CHKB: variants seen among roughly 807,000 people sequenced by gnomAD.
CHKB encodes the protein choline kinase beta.
CHKB carries 45 observed loss-of-function variants against 57.3 expected under a neutral mutation model. That is an observed-to-expected ratio of 0.79 (90% CI 0.62 to 1.01). CHKB has a LOEUF of 1.01. CHKB is among the 50% of genes least tolerant of loss of function. The pLI is 0.00. For missense variants in CHKB, 517 were observed against 502.8 expected, an observed-to-expected ratio of 1.03 and a Z score of -0.27; for synonymous variants, 224 against 201.8, an observed-to-expected ratio of 1.11 and a Z score of -0.93.
chr22:50,580,130 G>A (rs759319573), intron 7 of CHKB, 48 bp from the exon 8 acceptor site: 17 of 1,612,776 alleles, frequency 1.1e-5, no homozygotes, highest in Non-Finnish European at 8.5e-7. Flanking sequence ...CTGGGCAGCT[G>A]GCCTGTTTTC....
At position 50,582,814 on chromosome 22, in the gene CHKB, G is replaced by C; in HGVS notation, c.-33C>G. On this transcript the variant is annotated 5_prime_UTR_variant, in exon 1 of 11. Transcript: ENST00000406938. ...GCTCGACCGGGCCCCAGGCCAGGCT[G>C]CGCTCCGCTCCCTTCGGACGGGCTC... is the stretch of plus-strand genomic sequence containing the variant. 6.5e-7 allele frequency: 1 copy of C among 1,531,452 alleles called. No homozygotes were observed. Among genetic ancestry groups the C allele is most frequent in the Non-Finnish European group, 8.8e-7 (1 of 1,139,372 alleles). 94.9% of individuals were successfully genotyped at this position (1,531,452 alleles called of 1,614,324 possible).
In CHKB at chr22:50,579,182, C is replaced by CA; in HGVS notation, c.1186dup (p.Ter396LeufsTer33). ...AATCCAAGGAGTGGGAGGGTGGAGT[C>CA]AGGATGAGGAGTGGACACTGGTCAG... is the stretch of plus-strand genomic sequence containing the variant. On this transcript the variant is annotated frameshift_variant and stop_lost, in exon 11 of 11. Transcript: ENST00000406938. LOFTEE classifies it high-confidence loss of function. The CA allele has an allele frequency of 6.2e-7, 1 of 1,613,370 alleles. No homozygotes were observed. Among genetic ancestry groups the CA allele is most frequent in the Non-Finnish European group, 8.5e-7 (1 of 1,179,652 alleles).
At position 50,582,785 on chromosome 22, in the gene CHKB, G is replaced by A. The variant is rs774280101; in HGVS notation, c.-4C>T. 6.4e-7 allele frequency: 1 copy of A among 1,563,300 alleles called. No individual in the cohort carries two copies. Among genetic ancestry groups the A allele is most frequent in the Non-Finnish European group, 8.6e-7 (1 of 1,156,202 alleles). On this transcript the variant is annotated 5_prime_UTR_variant, in exon 1 of 11. Coordinates refer to ENST00000406938, the MANE Select transcript of CHKB (RefSeq NM_005198.5). ...CAGCTGTCGCCTCGGCCGCCATGGC[G>A]CGGGCTCGACCGGGCCCCAGGCCAG...
At chr22:50,579,679 C>T (rs753490362) in intron 9 of CHKB, 48 bp downstream of exon 9, 14 of 1,548,654 alleles carry the variant, frequency 9.0e-6, no homozygotes, top group Non-Finnish European at 1.2e-5. Context: ...TTCCCCAATC[C>T]CTCTTTCCTC....
Position 50,579,243 on chromosome 22 carries a change from A to C in CHKB, c.1126T>G (p.Ser376Ala). 6.2e-7 allele frequency: 1 copy of C among 1,613,806 alleles called. No homozygotes were observed. Among genetic ancestry groups the C allele is most frequent in the Non-Finnish European group, 8.5e-7 (1 of 1,179,900 alleles). The change falls in exon 11 of 11, where the codon TCT (serine) becomes GCT (alanine). Residue 376 changes from serine to alanine, a missense_variant. By Grantham distance (99) the Ser-to-Ala change is moderately conservative. Coordinates refer to ENST00000406938, the MANE Select transcript of CHKB (RefSeq NM_005198.5). ...TGCTGGAAGTAGAACTGGAACCGAG[A>C]CTGGGCATAGTCCTAGGGAAGGAAA... ...IEFGYLDYAQ[S>A]RFQFYFQQKG...
chr22:50,579,239 C>G lies in CHKB; in HGVS notation c.1130G>C (p.Arg377Pro). The G allele has an allele frequency of 6.2e-7, 1 of 1,613,732 alleles. No individual in the cohort carries two copies. The highest frequency in any genetic ancestry group is 1.1e-5 in the South Asian group (1 of 91,042). Residue 377 changes from arginine to proline, a missense_variant, in exon 11 of 11, where the codon CGG (arginine) becomes CCG (proline). Coordinates refer to ENST00000406938, the MANE Select transcript of CHKB (RefSeq NM_005198.5). ...EFGYLDYAQS[R>P]FQFYFQQKGQ... ...CTTCTGCTGGAAGTAGAACTGGAACCGAGACTGGGCATAGTCCTAGGGAAG... is the reference window on the plus strand; with the variant it reads ...CTTCTGCTGGAAGTAGAACTGGAACGGAGACTGGGCATAGTCCTAGGGAAG...
At position 50,580,581 on chromosome 22, in the gene CHKB, C is replaced by T; in HGVS notation, c.661G>A (p.Glu221Lys). ...NLLEMYSLKD[E>K]MGNLRKLLES... is the part of the protein sequence containing the mutation. The stretch of plus-strand genomic sequence containing the variant: ...TGCCCTCACCTGAGGTTGCCCATCT[C>T]ATCCTTCAGGCTGTACATCTCCAGC... The change falls in exon 5 of 11, where the codon GAG becomes AAG. Residue 221 changes from glutamate (E) to lysine (K), a missense_variant. Coordinates refer to ENST00000406938, the MANE Select transcript of CHKB (RefSeq NM_005198.5). The T allele has an allele frequency of 6.2e-7, 1 of 1,614,138 alleles. No individual in the cohort carries two copies.
intron 1 of CHKB, 88 bp downstream of exon 1, chr22:50,582,470 G>T (rs753890036): frequency 1.3e-6 from 2 of 1,482,498 alleles, no homozygotes; most frequent in East Asian, 5.6e-5. Context: ...CGCAAGAGGG[G>T]GGCGAAAACA....
intron 5 of CHKB, 57 bp from the exon 6 acceptor site, chr22:50,580,473 C>A: frequency 1.2e-6 from 2 of 1,610,792 alleles, no homozygotes; most frequent in East Asian, 2.2e-5. Flanking sequence ...AGGATCAGAG[C>A]CACCCTAACA....
intron 10 of CHKB, 40 bp downstream of exon 10, chr22:50,579,386 C>T (rs1386050229): frequency 2.5e-6 from 4 of 1,598,592 alleles, no homozygotes; most frequent in Non-Finnish European, 1.7e-6. Context: ...TGCTGCTCCC[C>T]AGCCCCCCAG....
chr22:50,580,001 G>A lies in CHKB; in HGVS notation c.900C>T (p.Pro300=). The part of the protein sequence containing the change: ...HEEWPFYKAR[P]TDYPTQEQQL... ...GCTGTTCTTGAGTGGGGTAGTCTGT[G>A]GGCCTTGCTTTGTAGAAAGGCCATT... Residue 300 remains proline, a synonymous_variant, in exon 8 of 11, where the codon CCC becomes CCT. Coordinates refer to ENST00000406938, the MANE Select transcript of CHKB (RefSeq NM_005198.5). The A allele has an allele frequency of 6.2e-7, 1 of 1,614,052 alleles. No homozygotes were observed. Among genetic ancestry groups the A allele is most frequent in the Non-Finnish European group, 8.5e-7 (1 of 1,179,990 alleles).
In CHKB at chr22:50,580,276, G is replaced by A. The variant is rs1454132489; in HGVS notation, c.737-5C>T. 6.2e-7 allele frequency: 1 copy of A among 1,613,902 alleles called. No homozygotes were observed. Among genetic ancestry groups the A allele is most frequent in the African/African-American group, 1.3e-5 (1 of 74,932 alleles). ...CTGAGAGCAGCAAGATGTTCCCTGG[G>A]GGAATGGGGTGAGGTTCTGCTCACT... On this transcript the variant is annotated splice_polypyrimidine_tract_variant and splice_region_variant and intron_variant, in intron 6 of 10. Coordinates refer to ENST00000406938, the MANE Select transcript of CHKB (RefSeq NM_005198.5).
chr22:50,581,527 AAGCTCTTG>A lies in CHKB; in HGVS notation c.466_473del (p.Gln156SerfsTer51), dbSNP rs1603443746. 1 of 1,613,868 alleles carries A rather than the reference AAGCTCTTG, an allele frequency of 6.2e-7. No individual in the cohort carries two copies. ...TGGCTGCTGACAACACTGGCTCTCG[AAGCTCTTG>A]AGTTTTCAATGGCCGACTCTGCACC... is the stretch of plus-strand genomic sequence containing the variant. On this transcript the variant is annotated frameshift_variant, in exon 4 of 11. Transcript: ENST00000406938. LOFTEE classifies it high-confidence loss of function.
At position 50,579,404 on chromosome 22, in the gene CHKB, T is replaced by A. The variant is rs760026706; in HGVS notation, c.1113+22A>T. 1.9e-6 allele frequency: 3 copies of A among 1,608,834 alleles called. No individual in the cohort carries two copies. The East Asian group carries it at 6.7e-5, about 36-fold the overall frequency. On this transcript the variant is annotated intron_variant, in intron 10 of 10. Coordinates refer to ENST00000406938, the MANE Select transcript of CHKB (RefSeq NM_005198.5). ...TGCTCCCCAGCCCCCCAGCTAGCAT[T>A]CCCATCCCCAGGGTCACTTACCAAG...
intron 4 of CHKB, 50 bp from the exon 5 acceptor site, chr22:50,580,710 C>G: frequency 6.5e-7 from 1 of 1,548,768 alleles, no homozygotes. Context: ...TTTCCCACCC[C>G]TCGCCTATCT....
intron 1 of CHKB, 34 bp downstream of exon 1, chr22:50,582,524 C>A: frequency 6.3e-7 from 1 of 1,582,884 alleles, no homozygotes; most frequent in Non-Finnish European, 8.6e-7. Context: ...GACCCCGATC[C>A]GCGCACCGGA....
Position 50,580,354 on chromosome 22 carries a change from C to T in CHKB, c.736+4G>A, listed in dbSNP as rs2070661751. ...GGTTAGGAGACTCAGATGCCTTCTC[C>T]TACCTTCCTGGATGTCATTGTGGCA... is the stretch of plus-strand genomic sequence containing the variant. On this transcript the variant is annotated splice_donor_region_variant and intron_variant, in intron 6 of 10. Coordinates refer to ENST00000406938, the MANE Select transcript of CHKB (RefSeq NM_005198.5). The T allele has an allele frequency of 1.2e-6, 2 of 1,613,924 alleles. No individual in the cohort carries two copies. The highest frequency in any genetic ancestry group is 2.7e-5 in the African/African-American group (2 of 74,920).
Position 50,580,253 on chromosome 22 carries a change from G to A in CHKB, c.755C>T (p.Ser252Leu). 1.2e-6 allele frequency: 2 copies of A among 1,614,010 alleles called. No homozygotes were observed. The highest frequency in any genetic ancestry group is 8.5e-7 in the Non-Finnish European group (1 of 1,180,024). Residue 252 changes from serine to leucine, a missense_variant, in exon 7 of 11, where the codon TCA becomes TTA. Transcript: ENST00000406938. The stretch of plus-strand genomic sequence containing the variant: ...GAGGCTGTCAGCATTTTCTGGCTCT[G>A]AGAGCAGCAAGATGTTCCCTGGGGG... Reference protein sequence around the residue: ...DIQEGNILLLSEPENADSLML... With the variant: ...DIQEGNILLLLEPENADSLML...
chr22:50,579,316 C>T, intron 10 of CHKB, 61 bp from the exon 11 acceptor site: 1 of 1,593,926 alleles, frequency 6.3e-7, no homozygotes, highest in Non-Finnish European at 8.6e-7. Flanking sequence ...ATTCTACATC[C>T]ACCTCAGGCT....
Sources: gnomAD v4.1 joint callset for allele counts on GRCh38, gnomAD v4.1.1 for gene constraint, MANE v1.5 for transcripts, NCBI Gene and HGNC (gene_info 2026-07-23, HGNC 2026-07-21) for gene names.